Variants in ANKDD1A observed in about 807,000 individuals in gnomAD.
ANKDD1A encodes the protein ankyrin repeat and death domain-containing protein 1A.
A neutral mutation model predicts 63.5 loss-of-function variants in ANKDD1A; 59 were observed. The observed-to-expected ratio is 0.93, with a 90% confidence interval of 0.75 to 1.15. ANKDD1A has a LOEUF of 1.15. Among genes scored for constraint, ANKDD1A ranks in the 50% most tolerant of loss-of-function variants. The probability of loss-of-function intolerance (pLI) is 0.00; values close to 1 mark genes in which losing one functional copy is unlikely to be tolerated. For missense variants in ANKDD1A, 632 were observed against 656.4 expected, an observed-to-expected ratio of 0.96 and a Z score of 0.41; for synonymous variants, 266 against 263.9, an observed-to-expected ratio of 1.01 and a Z score of -0.08.
chr15:64,940,075 G>T (rs1414498934), intron 9 of ANKDD1A, among the ~76,000 whole-genome samples: 5 of 150,056 alleles, frequency 3.3e-5, no homozygotes, highest in Non-Finnish European at 7.4e-5. Context: ...CAAGAGAAAA[G>T]ATTTGCAAAT....
chr15:64,914,925 G>C (rs920408118), intron 1 of ANKDD1A, among the ~76,000 whole-genome samples: 2 of 152,160 alleles, frequency 1.3e-5, no homozygotes, highest in Admixed American at 6.5e-5. Context: ...GGGGTGAGAG[G>C]AGCACAGAGA....
intron 14 of ANKDD1A, among the ~76,000 whole-genome samples, 186 bp from the exon 15 acceptor site, chr15:64,956,917 A>T (rs2085422379): frequency 6.6e-6 from 1 of 152,226 alleles, no homozygotes. Flanking sequence ...ACGTTATGAT[A>T]TATGATAGGG....
chr15:64,951,691 C>CATTATTCTTTTCTTTT (rs2085282838), intron 14 of ANKDD1A, among the ~76,000 whole-genome samples: 1 of 117,518 alleles, frequency 8.5e-6, no homozygotes, highest in Admixed American at 9.0e-5. Context: ...TTTCTTCTTC[C>CATTATTCTTTTCTTTT]TCTTCTTCTT....
In ANKDD1A at chr15:64,945,710, G is replaced by A. The variant is rs7184032; in HGVS notation, c.1161+963G>A. On this transcript the variant is annotated intron_variant, in intron 12 of 14. Coordinates refer to ENST00000319580, the MANE Select transcript of ANKDD1A (RefSeq NM_182703.6). Reference sequence around the variant, plus strand: ...TGCAGTGGTGCGATCTCAGCTTGCCGCAACCTCTGCCTACTGGGTTCAAGC... The same window carrying A: ...TGCAGTGGTGCGATCTCAGCTTGCCACAACCTCTGCCTACTGGGTTCAAGC... Among the ~76,000 whole-genome samples the A allele has an allele frequency of 4.7e-3, 680 of 145,284 alleles. 5 individuals carry two copies. The highest frequency in any genetic ancestry group is 0.016 in the African/African-American group (641 of 39,130).
At chr15:64,935,451 G>A (rs190993695) in intron 9 of ANKDD1A, among the ~76,000 whole-genome samples, 10 of 152,076 alleles carry the variant, frequency 6.6e-5, no homozygotes, top group Admixed American at 3.9e-4. Flanking sequence ...CGAGGCGGGC[G>A]GATCACGAGG....
chr15:64,925,537 G>T (rs1567111088), intron 4 of ANKDD1A, among the ~76,000 whole-genome samples: 1 of 152,082 alleles, frequency 6.6e-6, no homozygotes, highest in Non-Finnish European at 1.5e-5. Flanking sequence ...TGCCCTAGAA[G>T]GTGAGGAGGT....
chr15:64,939,143 A>ATTCGGTAG (rs2085160196), intron 9 of ANKDD1A, among the ~76,000 whole-genome samples: 1 of 151,522 alleles, frequency 6.6e-6, no homozygotes, highest in Non-Finnish European at 1.5e-5. Flanking sequence ...ATTCTAAAAT[A>ATTCGGTAG]AAAGTTTAGG....
chr15:64,922,590 A>T (rs752485529), intron 4 of ANKDD1A: 4 of 152,228 alleles, frequency 2.6e-5, no homozygotes, highest in Non-Finnish European at 5.9e-5. Flanking sequence ...ATGAACTTGG[A>T]TTGGAAAAAA....
chr15:64,924,914 T>A (rs1749433647), intron 4 of ANKDD1A, among the ~76,000 whole-genome samples: 1 of 151,366 alleles, frequency 6.6e-6, no homozygotes, highest in African/African-American at 2.4e-5. Context: ...TATCAAGGGG[T>A]CCATGATACC....
In ANKDD1A at chr15:64,935,971, C is replaced by CT. The variant is rs1255826639; in HGVS notation, c.867+1740dup. Among the ~76,000 whole-genome samples, 48 of 152,134 alleles carry CT rather than the reference C, an allele frequency of 3.2e-4. 1 individual carries two copies. Among genetic ancestry groups the CT allele is most frequent in the Admixed American group, 3.0e-3 (46 of 15,262 alleles). Reference sequence around the variant, plus strand: ...CAAGAGGCTTTGGTGTTAGGCCTGGCTTTGTATGCTGGTACTACAAACTGA... The same window carrying CT: ...CAAGAGGCTTTGGTGTTAGGCCTGGCTTTTGTATGCTGGTACTACAAACTGA... On this transcript the variant is annotated intron_variant, in intron 9 of 14. Coordinates refer to ENST00000319580, the MANE Select transcript of ANKDD1A (RefSeq NM_182703.6).
At chr15:64,919,211 C>T (rs919097633) in intron 3 of ANKDD1A, among the ~76,000 whole-genome samples, 8 of 152,150 alleles carry the variant, frequency 5.3e-5, no homozygotes, top group Non-Finnish European at 8.8e-5. Context: ...TGTCAGGAGG[C>T]TCTGGCTCCC....
intron 14 of ANKDD1A, among the ~76,000 whole-genome samples, chr15:64,956,052 G>A (rs1395303764): frequency 1.3e-5 from 2 of 152,116 alleles, no homozygotes; most frequent in East Asian, 3.8e-4. Context: ...AAGGATGAGA[G>A]TGCTTTCCAA....
chr15:64,951,352 T>TCCC (rs2085270692), intron 14 of ANKDD1A: 31 of 577,418 alleles, frequency 5.4e-5, no homozygotes, highest in African/African-American at 6.4e-5. Flanking sequence ...TCTTTCCTCT[T>TCCC]CTTTCTTCTT....
At chr15:64,911,996 G>GCCCC in intron 1 of ANKDD1A, 32 bp downstream of exon 1, 3 of 320,716 alleles carry the variant, frequency 9.4e-6, no homozygotes, top group Non-Finnish European at 1.6e-5. Flanking sequence ...AGGGGGGCGG[G>GCCCC]CCGAGGCCGA....
At chr15:64,947,952 T>C (rs148177556) in intron 13 of ANKDD1A, among the ~76,000 whole-genome samples, 2 of 152,070 alleles carry the variant, frequency 1.3e-5, no homozygotes, top group Non-Finnish European at 1.5e-5. Context: ...GAAAAGGAAA[T>C]AGAAATAAGG....
intron 14 of ANKDD1A, among the ~76,000 whole-genome samples, chr15:64,952,560 C>T (rs1180296731): frequency 7.5e-6 from 1 of 133,234 alleles, no homozygotes; most frequent in African/African-American, 2.8e-5. Context: ...CCTTCCTTCT[C>T]CTTCGTTCTT....
At chr15:64,951,615 ATTCTTCTTCTCTTCTT>A (rs1295266558) in intron 14 of ANKDD1A, among the ~76,000 whole-genome samples, 13 of 30,576 alleles carry the variant, frequency 4.3e-4, no homozygotes, top group East Asian at 3.7e-3. Flanking sequence ...CTTGTTCCTT[ATTCTTCTTCTCTTCTT>A]TTCTTCTTCT....
rs1329289873 is a variant in ANKDD1A at position 64,958,514 on chromosome 15, TATAAAA to T, written c.*1327_*1332del. 1 of 152,140 alleles carries T rather than the reference TATAAAA, an allele frequency of 6.6e-6. No individual in the cohort carries two copies. Among genetic ancestry groups the T allele is most frequent in the African/African-American group, 2.4e-5 (1 of 41,406 alleles). 9.4% of individuals were successfully genotyped at this position (152,140 alleles called of 1,614,324 possible). On this transcript the variant is annotated 3_prime_UTR_variant, in exon 15 of 15. Transcript: ENST00000319580. ...CTGTGAAAAAAAACAAAAGTAAAGT[TATAAAA>T]GGAAAAGAAAACAGAGGCTTTAAAT...
intron 1 of ANKDD1A, 42 bp from the exon 2 acceptor site, chr15:64,915,755 G>A (rs2084963954): frequency 1.9e-6 from 3 of 1,560,910 alleles, no homozygotes; most frequent in South Asian, 1.1e-5. Flanking sequence ...TGCAGTGTGG[G>A]GCATCCTCCC....
Sources: allele counts gnomAD v4.1 joint callset (sites outside exome capture counted in the v4.1 genomes callset), GRCh38; gene constraint gnomAD v4.1.1; transcripts MANE v1.5; gene names NCBI Gene and HGNC (gene_info 2026-07-23, HGNC 2026-07-21).